Variants in ADAMTS17 observed in about 807,000 individuals in gnomAD.
The protein encoded by ADAMTS17 is A disintegrin and metalloproteinase with thrombospondin motifs 17.
A neutral mutation model predicts 141.5 loss-of-function variants in ADAMTS17; 113 were observed. That is an observed-to-expected ratio of 0.80 (90% CI 0.69 to 0.93). The LOEUF is 0.93. Among genes scored for constraint, ADAMTS17 ranks in the 40% least tolerant of loss-of-function variants. The pLI is 0.00. For missense variants in ADAMTS17, 1,659 were observed against 1,517.9 expected (o/e 1.09, Z -1.54); for synonymous variants, 768 against 630.6 (o/e 1.22, Z -3.27).
At chr15:100,241,298 C>T (rs1166490983) in intron 7 of ADAMTS17, among the ~76,000 whole-genome samples, 1 of 152,198 alleles carries the variant, frequency 6.6e-6, no homozygotes, top group Non-Finnish European at 1.5e-5. Flanking sequence ...CCACCACACC[C>T]TGGCAGGTCA....
chr15:100,008,316 C>A (rs1288004897), intron 18 of ADAMTS17, among the ~76,000 whole-genome samples: 2 of 152,128 alleles, frequency 1.3e-5, no homozygotes, highest in Non-Finnish European at 2.9e-5. Context: ...AAGGGGATTT[C>A]TGTGGCCAGG....
chr15:99,985,005 C>T (rs999418445), intron 20 of ADAMTS17, among the ~76,000 whole-genome samples: 18 of 152,374 alleles, frequency 1.2e-4, no homozygotes, highest in African/African-American at 4.3e-4. Flanking sequence ...CTGCGGCCCG[C>T]CTCACTTCCC....
At position 100,192,528 on chromosome 15, in the gene ADAMTS17, A is replaced by G. The variant is rs187757398; in HGVS notation, c.1181+6790T>C. Among the ~76,000 whole-genome samples, 314 of 152,202 alleles carry G rather than the reference A, an allele frequency of 2.1e-3. 4 individuals carry two copies. The highest frequency in any genetic ancestry group is 6.8e-3 in the African/African-American group (281 of 41,522). ...ATTCTCAGAAATTCTCTCTCTGCAT[A>G]CCTTCCTTTCAATGCCGGCCCATCT... On this transcript the variant is annotated intron_variant, in intron 8 of 21. Transcript: ENST00000268070.
intron 8 of ADAMTS17, among the ~76,000 whole-genome samples, chr15:100,192,439 C>T (rs2040954346): frequency 6.6e-6 from 1 of 152,226 alleles, no homozygotes; most frequent in South Asian, 2.1e-4. Context: ...AACACAACTG[C>T]CCTAATCCCA....
chr15:100,085,526 C>T (rs191260542), intron 15 of ADAMTS17, among the ~76,000 whole-genome samples: 8 of 151,892 alleles, frequency 5.3e-5, no homozygotes, highest in Middle Eastern at 3.4e-3. Context: ...AGAGCGACTC[C>T]AAGACACATA....
At chr15:99,996,091 G>A (rs1274713895) in intron 19 of ADAMTS17, among the ~76,000 whole-genome samples, 1 of 144,028 alleles carries the variant, frequency 6.9e-6, no homozygotes, top group East Asian at 2.0e-4. Context: ...TTTCGCTCTT[G>A]TTGCCCAGGC....
chr15:100,055,004 G>GA (rs928515849), intron 15 of ADAMTS17, among the ~76,000 whole-genome samples: 11 of 151,194 alleles, frequency 7.3e-5, no homozygotes, highest in South Asian at 2.1e-4. Flanking sequence ...GTTATTTAGG[G>GA]AAAAAAAAAT....
At chr15:100,237,655 G>C (rs372774433) in intron 7 of ADAMTS17, among the ~76,000 whole-genome samples, 2 of 152,060 alleles carry the variant, frequency 1.3e-5, no homozygotes, top group Non-Finnish European at 2.9e-5. Context: ...ACAGAGTCTC[G>C]CTCTGTCACC....
chr15:100,333,215 C>T (rs555312194), intron 2 of ADAMTS17, among the ~76,000 whole-genome samples: 23 of 152,272 alleles, frequency 1.5e-4, no homozygotes, highest in African/African-American at 3.4e-4. Context: ...CACGACCTAA[C>T]GGTTTGTTCC....
chr15:100,333,303 C>G (rs74037843), intron 2 of ADAMTS17, among the ~76,000 whole-genome samples: 38,731 of 152,008 alleles, frequency 0.25, 5,356 homozygotes, highest in Admixed American at 0.39. Flanking sequence ...AGAAAAAATT[C>G]GACTGAAAAT....
In ADAMTS17 at chr15:100,281,389, G is replaced by T; in HGVS notation, c.629C>A (p.Pro210Gln). ...LCKVLTEKKK[P>Q]TWGRPSRDWR... The stretch of plus-strand genomic sequence containing the variant: ...GTCCCGCGAAGGCCTGCCCCACGTC[G>T]GCTTCTTCTTTTCTAGAAAATGATG... Residue 210 changes from proline to glutamine, a missense_variant, in exon 4 of 22, where the codon CCG (proline) becomes CAG (glutamine). Transcript: ENST00000268070. 1.2e-6 allele frequency: 2 copies of T among 1,612,482 alleles called. No individual in the cohort carries two copies. The highest frequency in any genetic ancestry group is 1.7e-6 in the Non-Finnish European group (2 of 1,179,924).
At chr15:100,066,855 A>G (rs7175808) in intron 15 of ADAMTS17, among the ~76,000 whole-genome samples, 6,642 of 16,626 alleles carry the variant, frequency 0.4, 1,391 homozygotes, top group East Asian at 0.51. Flanking sequence ...TGTCTCAGCA[A>G]TATTCCTTCA....
At chr15:100,258,666 C>A (rs145287079) in intron 6 of ADAMTS17, among the ~76,000 whole-genome samples, 51 of 57,246 alleles carry the variant, frequency 8.9e-4, no homozygotes, top group Middle Eastern at 8.8e-3. Flanking sequence ...TTCTATTGGT[C>A]CCTCCCACAA....
At chr15:100,317,668 A>G (rs1320049842) in intron 3 of ADAMTS17, among the ~76,000 whole-genome samples, 1 of 152,196 alleles carries the variant, frequency 6.6e-6, no homozygotes, top group Non-Finnish European at 1.5e-5. Context: ...AACACTGAGA[A>G]AAAGAGACAA....
At chr15:100,155,382 T>G in intron 8 of ADAMTS17, 62 bp from the exon 9 acceptor site, 2 of 1,580,584 alleles carry the variant, frequency 1.3e-6, no homozygotes, top group Non-Finnish European at 1.7e-6. Context: ...CAGTTCCTGG[T>G]GCTAGCGGAC....
In ADAMTS17 at chr15:100,047,178, C is replaced by T. The variant is rs542554249; in HGVS notation, c.2591+1679G>A. 1.3e-3 allele frequency among the ~76,000 whole-genome samples: 202 copies of T among 150,864 alleles called. 1 individual carries two copies. Among genetic ancestry groups the T allele is most frequent in the African/African-American group, 4.7e-3 (193 of 40,748 alleles). ...AGGCTTATTAGGATGAGGAAATTCC[C>T]GCCTAATAAATTTTGGTCAGACTGG... On this transcript the variant is annotated intron_variant, in intron 18 of 21. Coordinates refer to ENST00000268070, the MANE Select transcript of ADAMTS17 (RefSeq NM_139057.4).
At chr15:100,245,889 G>A (rs1460614067) in intron 7 of ADAMTS17, among the ~76,000 whole-genome samples, 1 of 152,206 alleles carries the variant, frequency 6.6e-6, no homozygotes, top group Non-Finnish European at 1.5e-5. Context: ...GTAAAGGTGT[G>A]TGTGTACGTG....
At chr15:100,222,648 G>A (rs1353676987) in intron 7 of ADAMTS17, among the ~76,000 whole-genome samples, 1 of 152,164 alleles carries the variant, frequency 6.6e-6, no homozygotes, top group Non-Finnish European at 1.5e-5. Flanking sequence ...CTTCTCCACC[G>A]GAAAAGTCTG....
intron 18 of ADAMTS17, among the ~76,000 whole-genome samples, chr15:100,010,151 T>G (rs537210688): frequency 6.6e-6 from 1 of 152,230 alleles, no homozygotes; most frequent in African/African-American, 2.4e-5. Flanking sequence ...GCTTCTGCCA[T>G]AACTGTGAGG....
Sources: allele counts gnomAD v4.1 joint callset (sites outside exome capture counted in the v4.1 genomes callset), GRCh38; gene constraint gnomAD v4.1.1; transcripts MANE v1.5; gene names NCBI Gene and HGNC (gene_info 2026-07-23, HGNC 2026-07-21).